The following ZNF600 variants were observed in gnomAD, a reference collection of about 807,000 sequenced individuals.
ZNF600 encodes the protein zinc finger protein KR-ZNF1.
In ZNF600, 4 loss-of-function variants were observed where a neutral mutation model predicts 7.3. That is an observed-to-expected ratio of 0.55 (90% confidence interval 0.27 to 1.25). The LOEUF is 1.25. Among genes scored for constraint, ZNF600 ranks in the 50% most tolerant of loss-of-function variants. The pLI, the probability that ZNF600 is intolerant of heterozygous loss-of-function variation, is 0.12. For missense variants in ZNF600, 911 were observed against 922.1 expected, an observed-to-expected ratio of 0.99 and a Z score of 0.16; for synonymous variants, 290 against 308.9, an observed-to-expected ratio of 0.94 and a Z score of 0.64.
upstream of ZNF600, among the ~76,000 whole-genome samples, chr19:52,790,873 G>T (rs1259978193): frequency 1.3e-5 from 2 of 151,730 alleles, no homozygotes; most frequent in Admixed American, 6.6e-5. Flanking sequence ...TAGAGATGAG[G>T]TTTCACCATG....
At chr19:52,782,076 A>C (rs2062726845) in intron 1 of ZNF600, among the ~76,000 whole-genome samples, 1 of 151,774 alleles carries the variant, frequency 6.6e-6, no homozygotes, top group Admixed American at 6.6e-5. Context: ...ATATATCTAA[A>C]CATTAGCCAG....
chr19:52,796,106 T>C, the ZNF600 span, among the ~76,000 whole-genome samples: 1 of 152,018 alleles, frequency 6.6e-6, no homozygotes, highest in African/African-American at 2.4e-5. Context: ...ACCCAGGAGG[T>C]TGAAGCTGCA....
chr19:52,820,407 G>C, the ZNF600 span, among the ~76,000 whole-genome samples: 1 of 78,368 alleles, frequency 1.3e-5, no homozygotes, highest in African/African-American at 5.9e-5. Flanking sequence ...GTGAGCCACC[G>C]CGCCCGGCCC....
the ZNF600 span, among the ~76,000 whole-genome samples, chr19:52,817,473 A>T: frequency 6.6e-6 from 1 of 152,166 alleles, no homozygotes; most frequent in South Asian, 2.1e-4. Flanking sequence ...AAACACAGGA[A>T]CTCACTCAAT....
At chr19:52,778,969 A>T in intron 1 of ZNF600, 62 bp from the exon 4 acceptor site, 1 of 1,473,190 alleles carries the variant, frequency 6.8e-7, no homozygotes, top group Non-Finnish European at 9.1e-7. Flanking sequence ...CTGTGACAAA[A>T]CCACATGAAC....
At chr19:52,782,472 A>C (rs1295433357) in intron 1 of ZNF600, among the ~76,000 whole-genome samples, 1 of 152,178 alleles carries the variant, frequency 6.6e-6, no homozygotes, top group East Asian at 1.9e-4. Flanking sequence ...GTGATGAGCC[A>C]ACATCACGCC....
chr19:52,807,184 T>C, the ZNF600 span, among the ~76,000 whole-genome samples: 607 of 152,228 alleles, frequency 4.0e-3, 7 homozygotes, highest in African/African-American at 0.014. Context: ...TGCTCCAACA[T>C]GGAGACAGCA....
downstream of ZNF600, chr19:52,764,250 T>C (rs1359009537): frequency 6.6e-6 from 1 of 152,082 alleles, no homozygotes; most frequent in Non-Finnish European, 1.5e-5. Context: ...CTGACTCTAC[T>C]GCCCAGGCTG....
chr19:52,792,650 TG>T, the ZNF600 span, among the ~76,000 whole-genome samples: 1 of 152,210 alleles, frequency 6.6e-6, no homozygotes, highest in Non-Finnish European at 1.5e-5. Context: ...CTTCTGGCTT[TG>T]TTTAAAGTTG....
chr19:52,824,795 A>C, the ZNF600 span, among the ~76,000 whole-genome samples: 1 of 152,288 alleles, frequency 6.6e-6, no homozygotes. Context: ...AAGTTCCAAC[A>C]GAACATAACC....
At chr19:52,764,994 C>T (rs1027269386) in exon 4 of ZNF600, 2 of 222,948 alleles carry the variant, frequency 9.0e-6, no homozygotes, top group African/African-American at 4.7e-5. Context: ...CCTTGGCCTC[C>T]AACCGTGCTG....
At chr19:52,833,493 G>A in the ZNF600 span, among the ~76,000 whole-genome samples, 11 of 152,224 alleles carry the variant, frequency 7.2e-5, no homozygotes, top group Non-Finnish European at 1.3e-4. Context: ...CTAAATACCT[G>A]GTGTTTCAGA....
the ZNF600 span, among the ~76,000 whole-genome samples, chr19:52,804,380 T>C: frequency 1.3e-5 from 2 of 152,070 alleles, no homozygotes; most frequent in African/African-American, 4.8e-5. Context: ...CTCAAGTGAT[T>C]CTCCCTCCTC....
At chr19:52,817,835 G>A in the ZNF600 span, 16 of 1,575,558 alleles carry the variant, frequency 1.0e-5, no homozygotes, top group African/African-American at 1.3e-5. Flanking sequence ...GTGAGGGTGA[G>A]CAAACATATC....
chr19:52,823,572 G>A, the ZNF600 span, among the ~76,000 whole-genome samples: 22 of 152,230 alleles, frequency 1.4e-4, no homozygotes, highest in African/African-American at 4.8e-4. Context: ...GCATGACCAC[G>A]TTCCTCTCAA....
exon 4 of ZNF600, chr19:52,766,318 C>G: frequency 1.2e-6 from 2 of 1,614,170 alleles, no homozygotes; most frequent in Non-Finnish European, 1.7e-6. Context: ...GAATGACACG[C>G]AAAAGCCTTG....
chr19:52,822,087 T>C, the ZNF600 span, among the ~76,000 whole-genome samples: 692 of 141,026 alleles, frequency 4.9e-3, 8 homozygotes, highest in African/African-American at 0.017. Flanking sequence ...TTTTTTTTTT[T>C]TTTTTTTGAG....
At chr19:52,781,822 G>T (rs1462652942) in intron 1 of ZNF600, among the ~76,000 whole-genome samples, 2 of 151,644 alleles carry the variant, frequency 1.3e-5, no homozygotes, top group Non-Finnish European at 2.9e-5. Flanking sequence ...CAACACTTTG[G>T]GAGGCCGAAG....
the ZNF600 span, among the ~76,000 whole-genome samples, chr19:52,797,212 G>C: frequency 6.6e-6 from 1 of 152,190 alleles, no homozygotes; most frequent in Admixed American, 6.5e-5. Flanking sequence ...AAAATAGTTA[G>C]AGAAGGAAAT....
Sources: gnomAD v4.1 joint callset for allele counts (sites outside exome capture counted in the v4.1 genomes callset) on GRCh38, gnomAD v4.1.1 for gene constraint, MANE v1.5 for transcripts, NCBI Gene and HGNC (gene_info 2026-07-23, HGNC 2026-07-21) for gene names.